The following MORC3 variants were observed in gnomAD, a reference collection of about 807,000 sequenced individuals.
The protein encoded by MORC3 is MORC family CW-type zinc finger 3, also known as MORC family CW-type zinc finger protein 3.
MORC3 carries 31 observed loss-of-function variants against 109.1 expected under a neutral mutation model. The ratio of observed to expected loss-of-function variants is 0.28; its 90% confidence interval spans 0.21 to 0.38. MORC3 has a LOEUF of 0.38. Ranked by LOEUF, MORC3 falls within the 10% of genes least tolerant of loss-of-function variation. MORC3 has a pLI of 1.00. For missense variants in MORC3, 867 were observed against 1,135.8 expected (o/e 0.76, Z 3.40); for synonymous variants, 395 against 380.7 (o/e 1.04, Z -0.44).
intron 16 of MORC3, among the ~76,000 whole-genome samples, chr21:36,374,180 C>G (rs1361407301): frequency 6.6e-6 from 1 of 152,052 alleles, no homozygotes; most frequent in Non-Finnish European, 1.5e-5. Context: ...ACCTCTGCCT[C>G]CCAGGTTCAA....
Position 36,320,506 on chromosome 21 carries a change from A to G in MORC3, c.39+203A>G, listed in dbSNP as rs1016921281. ...CCGGGCTGCGTTCCGTCGCCTCTGC[A>G]TTGTGTTTCTGTTTTGCTTCGGGGC... On this transcript the variant is annotated intron_variant, in intron 1 of 16. Transcript: ENST00000400485. 3.1e-5 allele frequency: 13 copies of G among 418,416 alleles called. No individual in the cohort carries two copies. In the South Asian group the frequency reaches 1.3e-3, roughly 43 times the overall value. 25.9% of individuals were successfully genotyped at this position (418,416 alleles called of 1,614,324 possible). A position where few individuals can be genotyped will look rare whatever the true frequency, so the allele number is the denominator to read the frequency against.
At chr21:36,333,574 G>A in intron 1 of MORC3, 72 bp from the exon 2 acceptor site, 1 of 1,241,764 alleles carries the variant, frequency 8.1e-7, no homozygotes, top group Non-Finnish European at 1.2e-6. Context: ...TTAACACAGG[G>A]ATAAAAATAC....
intron 16 of MORC3, among the ~76,000 whole-genome samples, chr21:36,374,905 C>T (rs1332214013): frequency 6.6e-6 from 1 of 152,146 alleles, no homozygotes; most frequent in African/African-American, 2.4e-5. Context: ...CTCCTGGGCT[C>T]CAGCGATCTC....
chr21:36,364,799 C>G (rs893682532), intron 14 of MORC3, among the ~76,000 whole-genome samples: 1 of 151,606 alleles, frequency 6.6e-6, no homozygotes. Context: ...CGCCTGTAAT[C>G]CCAGCACTTT....
intron 1 of MORC3, among the ~76,000 whole-genome samples, chr21:36,330,360 C>G (rs537540075): frequency 6.6e-6 from 1 of 152,302 alleles, no homozygotes; most frequent in East Asian, 1.9e-4. Flanking sequence ...AACATTTCCT[C>G]TCTGTTGATC....
At chr21:36,341,573 G>T (rs1162545516) in intron 6 of MORC3, 27 bp downstream of exon 6, 2 of 1,612,876 alleles carry the variant, frequency 1.2e-6, no homozygotes, top group South Asian at 1.1e-5. Context: ...CTTTGTGGAA[G>T]TGAGAAAATC....
intron 3 of MORC3, among the ~76,000 whole-genome samples, chr21:36,337,229 A>G (rs970504732): frequency 6.6e-6 from 1 of 152,190 alleles, no homozygotes; most frequent in African/African-American, 2.4e-5. Flanking sequence ...AAAGTCCACC[A>G]TTCCTTTAGA....
In MORC3 at chr21:36,334,337, T is replaced by C. The variant is rs2146295771; in HGVS notation, c.112+619T>C. 3.3e-5 allele frequency among the ~76,000 whole-genome samples: 5 copies of C among 152,348 alleles called. No homozygotes were observed. In the Middle Eastern group the frequency reaches 0.014, roughly 415 times the overall value. ...CACATGGATGTCAGATTAGTCACTGTTCAGCTTTCTCTTTAATACTACCCA... is the reference window on the plus strand; with the variant it reads ...CACATGGATGTCAGATTAGTCACTGCTCAGCTTTCTCTTTAATACTACCCA... On this transcript the variant is annotated intron_variant, in intron 2 of 16. Transcript: ENST00000400485.
At chr21:36,353,951 A>G (rs867910444) in intron 9 of MORC3, among the ~76,000 whole-genome samples, 15 of 151,090 alleles carry the variant, frequency 9.9e-5, no homozygotes, top group Middle Eastern at 6.9e-3. Flanking sequence ...GGCACTTGTA[A>G]TCCCAGCTAC....
At chr21:36,336,154 C>T (rs916494393) in intron 2 of MORC3, among the ~76,000 whole-genome samples, 1 of 150,268 alleles carries the variant, frequency 6.7e-6, no homozygotes, top group Non-Finnish European at 1.5e-5. Context: ...TGGTCTCAAA[C>T]TCCTGACCTC....
intron 16 of MORC3, among the ~76,000 whole-genome samples, chr21:36,374,031 C>T (rs544510387): frequency 1.7e-4 from 26 of 152,252 alleles, no homozygotes; most frequent in East Asian, 9.6e-4. Flanking sequence ...AACCATTGTT[C>T]TCTGTAAATG....
chr21:36,337,626 T>C, intron 3 of MORC3, 106 bp from the exon 4 acceptor site: 1 of 754,600 alleles, frequency 1.3e-6, no homozygotes, highest in Non-Finnish European at 1.9e-6. Context: ...GGCTTTTTAC[T>C]TGGTATTACA....
At chr21:36,370,656 TTTTTTTTTTTTTTTTC>T (rs2085853228) in intron 15 of MORC3, among the ~76,000 whole-genome samples, 1 of 117,696 alleles carries the variant, frequency 8.5e-6, no homozygotes, top group African/African-American at 3.4e-5. Context: ...TTTTTTTTTT[TTTTTTTTTTTTTTTTC>T]TTCTTCTTCT....
intron 7 of MORC3, 30 bp from the exon 8 acceptor site, chr21:36,344,882 T>C (rs2085490808): frequency 6.2e-7 from 1 of 1,609,706 alleles, no homozygotes; most frequent in African/African-American, 1.3e-5. Context: ...AGTGAGGTGT[T>C]GTGTTCAAAA....
chr21:36,331,034 T>C (rs947194486), intron 1 of MORC3, among the ~76,000 whole-genome samples: 1 of 152,224 alleles, frequency 6.6e-6, no homozygotes, highest in African/African-American at 2.4e-5. Context: ...GTGCTTCAAC[T>C]TAATGGTAAA....
rs971892472 is a variant in MORC3 at position 36,368,974 on chromosome 21, A to G, written c.1620-14A>G. 2 of 1,571,420 alleles carry G rather than the reference A, an allele frequency of 1.3e-6. No homozygotes were observed. Among genetic ancestry groups the G allele is most frequent in the East Asian group, 4.6e-5 (2 of 43,850 alleles). ...TTTTATAATCTTATGTTTTATGTAT[A>G]AAATTTTTTTCAGCTTGAAACGGAG... is the stretch of plus-strand genomic sequence containing the variant. On this transcript the variant is annotated splice_polypyrimidine_tract_variant and intron_variant, in intron 14 of 16. Transcript: ENST00000400485.
chr21:36,320,550 C>T (rs972596555), intron 1 of MORC3: 4 of 337,376 alleles, frequency 1.2e-5, no homozygotes, highest in African/African-American at 8.7e-5. Flanking sequence ...GTCGCGGCTC[C>T]TCCTCCCAGC....
chr21:36,340,309 T>G (rs1296250345), intron 5 of MORC3, among the ~76,000 whole-genome samples: 2 of 150,884 alleles, frequency 1.3e-5, no homozygotes, highest in African/African-American at 2.4e-5. Flanking sequence ...AGTACAGTAG[T>G]ACTATTGATA....
chr21:36,335,891 C>G (rs1393395638), intron 2 of MORC3, among the ~76,000 whole-genome samples: 1 of 152,038 alleles, frequency 6.6e-6, no homozygotes, highest in Non-Finnish European at 1.5e-5. Flanking sequence ...GATCTCTTTC[C>G]CCTACAATAG....
Sources: gnomAD v4.1 joint callset for allele counts (sites outside exome capture counted in the v4.1 genomes callset) on GRCh38, gnomAD v4.1.1 for gene constraint, MANE v1.5 for transcripts, NCBI Gene and HGNC (gene_info 2026-07-23, HGNC 2026-07-21) for gene names.